Variants in SFMBT1 observed in about 807,000 individuals in gnomAD.
SFMBT1 encodes the protein scm-like with four MBT domains protein 1.
SFMBT1 carries 32 observed loss-of-function variants against 108.7 expected under a neutral mutation model. The observed-to-expected ratio is 0.29, with a 90% CI of 0.22 to 0.40. The LOEUF (loss-of-function observed/expected upper bound fraction) is 0.40. SFMBT1 is among the 10% of genes least tolerant of loss of function. SFMBT1 has a pLI of 1.00. For missense variants in SFMBT1, 816 were observed against 1,059.6 expected (o/e 0.77, Z 3.19); for synonymous variants, 348 against 369.5 (o/e 0.94, Z 0.67).
chr3:52,999,012 G>A (rs758403239), intron 1 of SFMBT1, among the ~76,000 whole-genome samples: 3 of 150,750 alleles, frequency 2.0e-5, no homozygotes, highest in African/African-American at 7.3e-5. Flanking sequence ...AGCCGCCCTC[G>A]GCCCCTCCAT....
chr3:52,906,291 T>C (rs1015544576), intron 19 of SFMBT1, 50 bp from the exon 20 acceptor site: 1 of 1,612,418 alleles, frequency 6.2e-7, no homozygotes, highest in Admixed American at 1.7e-5. Flanking sequence ...GGCTATTTTA[T>C]TCTAAAAAAG....
chr3:53,017,195 G>A (rs1206080477), intron 1 of SFMBT1, among the ~76,000 whole-genome samples: 1 of 152,096 alleles, frequency 6.6e-6, no homozygotes, highest in East Asian at 1.9e-4. Flanking sequence ...GCTGTTAGAA[G>A]ATAAAGATGG....
intron 5 of SFMBT1, 103 bp from the exon 6 acceptor site, chr3:52,932,411 C>G (rs1702886316): frequency 8.3e-7 from 1 of 1,211,638 alleles, no homozygotes; most frequent in South Asian, 1.6e-5. Context: ...TATTTTTTAC[C>G]CATTCAAAAG....
intron 1 of SFMBT1, among the ~76,000 whole-genome samples, chr3:52,989,792 CAA>C (rs55730998): frequency 6.9e-5 from 10 of 145,474 alleles, no homozygotes; most frequent in Admixed American, 6.9e-5. Flanking sequence ...GACTCCATCT[CAA>C]AAAAAAAAAG....
intron 12 of SFMBT1, among the ~76,000 whole-genome samples, chr3:52,918,907 A>C (rs1702436002): frequency 6.6e-6 from 1 of 151,742 alleles, no homozygotes; most frequent in Admixed American, 6.6e-5. Context: ...TCCATGGACC[A>C]GGGGGTGGGG....
At chr3:53,023,725 G>A (rs939388760) in intron 1 of SFMBT1, among the ~76,000 whole-genome samples, 2 of 152,134 alleles carry the variant, frequency 1.3e-5, no homozygotes, top group South Asian at 2.1e-4. Context: ...TGAGAAATGC[G>A]GGTTTGTGGG....
At chr3:52,930,515 T>C (rs1281557648) in intron 7 of SFMBT1, 85 bp from the exon 8 acceptor site, 2 of 798,560 alleles carry the variant, frequency 2.5e-6, no homozygotes, top group Admixed American at 3.9e-5. Context: ...AACAGAAATG[T>C]CCAGCTCTGG....
intron 1 of SFMBT1, among the ~76,000 whole-genome samples, chr3:53,024,948 G>T (rs958377787): frequency 6.6e-6 from 1 of 152,050 alleles, no homozygotes; most frequent in African/African-American, 2.4e-5. Context: ...AGTATACAAT[G>T]ACTTTAGCCA....
At chr3:52,986,668 C>T (rs569298524) in intron 1 of SFMBT1, among the ~76,000 whole-genome samples, 2 of 149,410 alleles carry the variant, frequency 1.3e-5, no homozygotes, top group Admixed American at 6.8e-5. Context: ...CCCAGCTACT[C>T]GGGAGGTTGA....
chr3:53,032,219 A>G (rs1325131066), intron 1 of SFMBT1, among the ~76,000 whole-genome samples: 1 of 152,194 alleles, frequency 6.6e-6, no homozygotes, highest in African/African-American at 2.4e-5. Flanking sequence ...AAAATATAAA[A>G]GGTAGCTGAG....
intron 1 of SFMBT1, among the ~76,000 whole-genome samples, chr3:53,023,901 G>A (rs1699398022): frequency 6.6e-6 from 1 of 152,192 alleles, no homozygotes; most frequent in African/African-American, 2.4e-5. Flanking sequence ...ATGGGCCAGG[G>A]TAGGGAGCTA....
At chr3:52,981,436 C>A (rs181253717) in intron 1 of SFMBT1, among the ~76,000 whole-genome samples, 22 of 152,090 alleles carry the variant, frequency 1.4e-4, no homozygotes, top group Admixed American at 3.3e-4. Context: ...GAGCTCGGAT[C>A]ACTGCAACCT....
chr3:52,906,437 T>C (rs188475049), intron 19 of SFMBT1, among the ~76,000 whole-genome samples, 196 bp from the exon 20 acceptor site: 1 of 152,282 alleles, frequency 6.6e-6, no homozygotes, highest in East Asian at 1.9e-4. Context: ...ATACGAAGTA[T>C]CAATGGGAAA....
intron 8 of SFMBT1, 75 bp from the exon 9 acceptor site, chr3:52,928,416 A>G (rs1482912540): frequency 1.3e-6 from 2 of 1,502,022 alleles, no homozygotes; most frequent in Non-Finnish European, 1.8e-6. Flanking sequence ...ACAGCCAAAC[A>G]TATTACAAAA....
chr3:52,918,433 T>C (rs1702421907), intron 13 of SFMBT1, 51 bp downstream of exon 13: 2 of 1,412,630 alleles, frequency 1.4e-6, no homozygotes, highest in Admixed American at 2.6e-5. Context: ...GAAATAGTTA[T>C]TTTTCTAGAT....
Position 52,930,413 on chromosome 3 carries a change from G to A in SFMBT1, c.813C>T (p.Gly271=), listed in dbSNP as rs1425477312. ...SYLFKDKQVI[G]IHTFSVNMKL... ...TCATGTTTACAGAGAATGTATGAAT[G>A]CCAATAACTTGTTTGTCCTGAAATG... The change falls in exon 8 of 21, where the codon GGC becomes GGT. Residue 271 remains glycine (G), a synonymous_variant. Transcript: ENST00000394752. 4.3e-6 allele frequency: 7 copies of A among 1,611,264 alleles called. No individual in the cohort carries two copies. Among genetic ancestry groups the A allele is most frequent in the Non-Finnish European group, 5.1e-6 (6 of 1,177,354 alleles).
chr3:52,949,568 CTTTT>C (rs59842273), intron 3 of SFMBT1, among the ~76,000 whole-genome samples: 202 of 77,358 alleles, frequency 2.6e-3, no homozygotes, highest in African/African-American at 0.011. Context: ...TAATGTCCTT[CTTTT>C]TTTTTTTTTT....
chr3:52,946,892 C>A (rs1401540983), intron 3 of SFMBT1, among the ~76,000 whole-genome samples: 1 of 151,802 alleles, frequency 6.6e-6, no homozygotes, highest in Non-Finnish European at 1.5e-5. Context: ...ATGCCTCAGC[C>A]TCCCAAGTAG....
intron 1 of SFMBT1, among the ~76,000 whole-genome samples, chr3:52,984,088 TGGG>T (rs1210874721): frequency 6.6e-6 from 1 of 152,168 alleles, no homozygotes; most frequent in Non-Finnish European, 1.5e-5. Context: ...GAGCAGTATC[TGGG>T]CTGACTGAAG....
Sources: gnomAD v4.1 joint callset for allele counts (sites outside exome capture counted in the v4.1 genomes callset) on GRCh38, gnomAD v4.1.1 for gene constraint, MANE v1.5 for transcripts, NCBI Gene and HGNC (gene_info 2026-07-23, HGNC 2026-07-21) for gene names.